Variants in RGL3 observed in about 807,000 individuals in gnomAD.
RGL3 encodes ral guanine nucleotide dissociation stimulator-like 3.
RGL3 carries 85 observed loss-of-function variants against 90.6 expected under a neutral mutation model. The observed-to-expected ratio is 0.94, with a 90% CI of 0.79 to 1.12. RGL3 has a LOEUF of 1.12. RGL3 is among the 50% of genes most tolerant of loss of function. RGL3 has a pLI of 0.00. For synonymous variants in RGL3, 408 were observed against 385.5 expected (o/e 1.06, Z -0.68); for missense variants, 1,034 against 939.2 (o/e 1.10, Z -1.32).
At chr19:11,416,544 A>T in intron 4 of RGL3, 70 bp downstream of exon 4, 1 of 1,469,642 alleles carries the variant, frequency 6.8e-7, no homozygotes, top group Non-Finnish European at 9.5e-7. Context: ...TCAAAACCCC[A>T]GTCCGACTGC....
rs762346839 is a variant in RGL3, at chr19:11,394,462, T to C, written c.2073A>G (p.Arg691=). 14 of 1,613,842 alleles carry C rather than the reference T, an allele frequency of 8.7e-6. No individual in the cohort carries two copies. Among genetic ancestry groups the C allele is most frequent in the Non-Finnish European group, 1.0e-5 (12 of 1,180,012 alleles). Reference sequence around the variant, plus strand: ...CCTCTTTCCGCCGCAGCATGAAGTCTCTGGGGGCGACTGGACTCATGGCAT... The same window carrying C: ...CCTCTTTCCGCCGCAGCATGAAGTCCCTGGGGGCGACTGGACTCATGGCAT... ...VFYAMSPVAP[R]DFMLRRKEGT... Residue 691 remains arginine (R), a synonymous_variant, in exon 19 of 19, where the codon AGA becomes AGG. Transcript: ENST00000380456.
intron 7 of RGL3, 58 bp from the exon 8 acceptor site, chr19:11,405,484 A>ACTT (rs533325737): frequency 2.4e-6 from 1 of 415,286 alleles, no homozygotes; most frequent in East Asian, 6.4e-5. Context: ...TCATCCTGAA[A>ACTT]CTTCTTCATC....
At chr19:11,404,735 T>C (rs1968737979) in intron 9 of RGL3, among the ~76,000 whole-genome samples, 1 of 152,166 alleles carries the variant, frequency 6.6e-6, no homozygotes, top group Non-Finnish European at 1.5e-5. Context: ...GGATCCATTC[T>C]AGATTCACTC....
rs1968794991 is a variant in RGL3 at position 11,406,942 on chromosome 19, C to T, written c.638-78G>A. ...TGTGACCTTGGGTGAGTCCCTGTCC[C>T]TCTCTGAGGCTCACTTTCCTCATTT... On this transcript the variant is annotated intron_variant, in intron 5 of 18. Transcript: ENST00000380456. 34 of 1,376,164 alleles carry T rather than the reference C, an allele frequency of 2.5e-5. 1 individual carries two copies. The South Asian group carries it at 3.4e-4, about 14-fold the overall frequency. The allele number at this position is 1,376,164 out of a possible 1,614,324, so 85.2% of individuals were successfully genotyped here. A position where few individuals can be genotyped will look rare whatever the true frequency, so the allele number is the denominator to read the frequency against.
In RGL3 at chr19:11,414,490, CATATATAT is replaced by C. The variant is rs57862666; in HGVS notation, c.637+1439_637+1446del. Among the ~76,000 whole-genome samples, 214 of 27,854 alleles carry C rather than the reference CATATATAT, an allele frequency of 7.7e-3. 4 individuals are homozygous for C. Among genetic ancestry groups the C allele is most frequent in the East Asian group, 0.014 (17 of 1,220 alleles). 18.3% of individuals were successfully genotyped at this position (27,854 alleles called of 152,430 possible). On this transcript the variant is annotated intron_variant, in intron 5 of 18. Transcript: ENST00000380456. ...ATATATATATATATATATACACCTT[CATATATAT>C]ATATATATATATATATATATATATA...
Position 11,399,866 on chromosome 19 carries a change from G to T in RGL3, c.1735C>A (p.Pro579Thr). ...SPPASPGPQG[P>T]STKLPLSLDL... Reference sequence around the variant, plus strand: ...AGCCGTCTTGGTACCTTGGTGCTGGGGCCCTGGGGCCCTGGAGAGGCCGGG... The same window carrying T: ...AGCCGTCTTGGTACCTTGGTGCTGGTGCCCTGGGGCCCTGGAGAGGCCGGG... The change falls in exon 16 of 19, where the codon CCC (proline) becomes ACC (threonine). Residue 579 changes from proline to threonine, a missense_variant. Coordinates refer to ENST00000380456, the MANE Select transcript of RGL3 (RefSeq NM_001035223.4). 6.7e-7 allele frequency: 1 copy of T among 1,497,992 alleles called. No homozygotes were observed. The highest frequency in any genetic ancestry group is 8.9e-7 in the Non-Finnish European group (1 of 1,126,050). The allele number at this position is 1,497,992 out of a possible 1,614,324, so 92.8% of individuals were successfully genotyped here.
At chr19:11,406,991 T>A (rs879513086) in intron 5 of RGL3, 127 bp from the exon 6 acceptor site, 157 of 283,198 alleles carry the variant, frequency 5.5e-4, no homozygotes, top group Non-Finnish European at 6.7e-4. Context: ...CTCTCTTAAA[T>A]TTTTTTTTTT....
At chr19:11,402,192 C>T (rs576862029) in intron 12 of RGL3, 23 bp downstream of exon 12, 3 of 1,611,966 alleles carry the variant, frequency 1.9e-6, no homozygotes, top group East Asian at 2.2e-5. Flanking sequence ...GGCACCACCA[C>T]ACCCACTGTA....
intron 5 of RGL3, among the ~76,000 whole-genome samples, chr19:11,411,597 GATTTGAAT>G (rs1483758212): frequency 2.6e-5 from 4 of 152,162 alleles, no homozygotes; most frequent in African/African-American, 7.2e-5. Flanking sequence ...ACAAACAGGG[GATTTGAAT>G]ATTTGAATAT....
rs1257550800 is a variant in RGL3 at position 11,409,209 on chromosome 19, A to G, written c.638-2345T>C. 5.9e-5 allele frequency among the ~76,000 whole-genome samples: 9 copies of G among 151,600 alleles called. No homozygotes were observed. In the South Asian group the frequency reaches 6.3e-4, roughly 11 times the overall value. On this transcript the variant is annotated intron_variant, in intron 5 of 18. Coordinates refer to ENST00000380456, the MANE Select transcript of RGL3 (RefSeq NM_001035223.4). Reference sequence around the variant, plus strand: ...AAGAAAAGAAAAGAAGGCCGGGGGCAGTGGCTCACGCCTGTAATCCCAGCA... The same window carrying G: ...AAGAAAAGAAAAGAAGGCCGGGGGCGGTGGCTCACGCCTGTAATCCCAGCA...
chr19:11,394,797 T>C (rs544641416), intron 18 of RGL3: 27 of 362,098 alleles, frequency 7.5e-5, no homozygotes, highest in African/African-American at 4.2e-4. Flanking sequence ...CAGTAAAAGT[T>C]TGAGCAAACT....
intron 13 of RGL3, among the ~76,000 whole-genome samples, chr19:11,400,820 A>C (rs1244163876): frequency 6.6e-6 from 1 of 151,542 alleles, no homozygotes; most frequent in Non-Finnish European, 1.5e-5. Context: ...ACTCCACTGC[A>C]CTCCAGCCTG....
chr19:11,413,477 G>A (rs1968905988), intron 5 of RGL3, among the ~76,000 whole-genome samples: 1 of 146,670 alleles, frequency 6.8e-6, no homozygotes. Context: ...GGAGGTTGCA[G>A]TGTGCCGAGA....
In RGL3 at chr19:11,406,448, G is replaced by T; in HGVS notation, c.967C>A (p.Arg323=). The part of the protein sequence containing the change: ...PGLAAPQRAQ[R]LEKWIRIAQR... The stretch of plus-strand genomic sequence containing the variant: ...GCGATGCGGATCCACTTCTCCAGCC[G>T]CTGCGCCCTCTGCGGGGCGGCCAAG... Residue 323 remains arginine, a synonymous_variant, in exon 7 of 19, where the codon CGG becomes AGG. Coordinates refer to ENST00000380456, the MANE Select transcript of RGL3 (RefSeq NM_001035223.4). The T allele has an allele frequency of 2.6e-6, 4 of 1,544,896 alleles. No individual in the cohort carries two copies. The highest frequency in any genetic ancestry group is 1.7e-6 in the Non-Finnish European group (2 of 1,149,060).
Position 11,417,022 on chromosome 19 carries a change from C to G in RGL3, c.185G>C (p.Arg62Pro). 1 of 1,611,534 alleles carries G rather than the reference C, an allele frequency of 6.2e-7. No individual in the cohort carries two copies. The highest frequency in any genetic ancestry group is 8.5e-7 in the Non-Finnish European group (1 of 1,178,692). Residue 62 changes from arginine to proline, a missense_variant, in exon 3 of 19, where the codon CGA becomes CCA. Transcript: ENST00000380456. ...CCTCAGCACCCTCACCTTGCTGGTT[C>G]GATAGTGGAGGAAGGTATTGGCAAT... ...SPIANTFLHY[R>P]TSKVRVLRAA... is the part of the protein sequence containing the mutation.
At chr19:11,410,515 C>T (rs1463547105) in intron 5 of RGL3, among the ~76,000 whole-genome samples, 1 of 151,818 alleles carries the variant, frequency 6.6e-6, no homozygotes, top group Non-Finnish European at 1.5e-5. Flanking sequence ...GACCCCATGT[C>T]TACATAAAAA....
intron 5 of RGL3, among the ~76,000 whole-genome samples, chr19:11,410,926 C>T (rs376418593): frequency 1.3e-5 from 2 of 151,878 alleles, no homozygotes; most frequent in East Asian, 1.9e-4. Flanking sequence ...AACAAACGAC[C>T]GGTAGGGCGT....
chr19:11,416,813 G>C lies in RGL3; in HGVS notation c.371+23C>G, dbSNP rs150482368. 9 of 1,611,936 alleles carry C rather than the reference G, an allele frequency of 5.6e-6. No homozygotes were observed. The South Asian group carries it at 8.8e-5, about 16-fold the overall frequency. On this transcript the variant is annotated intron_variant, in intron 3 of 18. Transcript: ENST00000380456. ...GTTGGGGTTCTAGGGTGGAGAATAC[G>C]GAGGTTATGGTTCGCTACTGACCCG...
In RGL3 at chr19:11,400,301, A is replaced by AG. The variant is rs1327248369; in HGVS notation, c.1485-5dup. On this transcript the variant is annotated splice_region_variant and splice_polypyrimidine_tract_variant and intron_variant, in intron 13 of 18. Coordinates refer to ENST00000380456, the MANE Select transcript of RGL3 (RefSeq NM_001035223.4). ...AATGACCCGGGAGAGCCGGTAGCTGAGGGGTCAATATGTGGATGAGGTGGT... is the reference window on the plus strand; with the variant it reads ...AATGACCCGGGAGAGCCGGTAGCTGAGGGGGTCAATATGTGGATGAGGTGGT... The AG allele has an allele frequency of 1.3e-6, 2 of 1,576,034 alleles. No individual in the cohort carries two copies. Among genetic ancestry groups the AG allele is most frequent in the Admixed American group, 3.7e-5 (2 of 54,700 alleles).
Sources: allele counts gnomAD v4.1 joint callset (sites outside exome capture counted in the v4.1 genomes callset), GRCh38; gene constraint gnomAD v4.1.1; transcripts MANE v1.5; gene names NCBI Gene and HGNC (gene_info 2026-07-23, HGNC 2026-07-21).